KCNJ6: variants seen among roughly 807,000 people sequenced by gnomAD.
KCNJ6 encodes the protein potassium inwardly rectifying channel subfamily J member 6.
A neutral mutation model predicts 34.2 loss-of-function variants in KCNJ6; 9 were observed. That is an observed-to-expected ratio of 0.26 (90% CI 0.16 to 0.46). KCNJ6 has a LOEUF of 0.46. KCNJ6 is among the 20% of genes least tolerant of loss of function. KCNJ6 has a pLI of 1.00. For missense variants in KCNJ6, 236 were observed against 531.3 expected, an observed-to-expected ratio of 0.44 and a Z score of 5.46; for synonymous variants, 196 against 207.1, an observed-to-expected ratio of 0.95 and a Z score of 0.46.
At chr21:37,903,523 AG>A (rs1321691849) in intron 1 of KCNJ6, among the ~76,000 whole-genome samples, 1 of 152,148 alleles carries the variant, frequency 6.6e-6, no homozygotes, top group Non-Finnish European at 1.5e-5. Context: ...ATGGAATCTT[AG>A]GGTGCTTTAA....
intron 2 of KCNJ6, among the ~76,000 whole-genome samples, chr21:37,764,161 G>A (rs1313916052): frequency 6.6e-6 from 1 of 152,180 alleles, no homozygotes; most frequent in Non-Finnish European, 1.5e-5. Context: ...GGACTATGGT[G>A]AGTGAGATTG....
intron 2 of KCNJ6, among the ~76,000 whole-genome samples, chr21:37,762,519 C>T (rs1163615978): frequency 6.6e-6 from 1 of 152,188 alleles, no homozygotes; most frequent in Non-Finnish European, 1.5e-5. Flanking sequence ...AACTGCCTGC[C>T]AAGTTTGCTG....
intron 3 of KCNJ6, among the ~76,000 whole-genome samples, chr21:37,660,492 A>G (rs1401396928): frequency 6.6e-6 from 1 of 152,184 alleles, no homozygotes; most frequent in Non-Finnish European, 1.5e-5. Flanking sequence ...GGGCTAGCAC[A>G]TGGGATGCTG....
intron 3 of KCNJ6, among the ~76,000 whole-genome samples, chr21:37,684,866 T>C (rs143662488): frequency 6.6e-6 from 1 of 152,350 alleles, no homozygotes; most frequent in East Asian, 1.9e-4. Context: ...GTGAATTTTA[T>C]AGGAATAGAG....
chr21:37,657,576 A>G (rs1375104485), intron 3 of KCNJ6, among the ~76,000 whole-genome samples: 2 of 152,152 alleles, frequency 1.3e-5, no homozygotes, highest in African/African-American at 4.8e-5. Flanking sequence ...GGGGTTCACT[A>G]GGACCCCTTC....
At chr21:37,856,145 C>A (rs2055564264) in intron 1 of KCNJ6, among the ~76,000 whole-genome samples, 1 of 152,172 alleles carries the variant, frequency 6.6e-6, no homozygotes, top group Admixed American at 6.5e-5. Context: ...GGGAAGAGGT[C>A]CAAACATCAT....
intron 2 of KCNJ6, among the ~76,000 whole-genome samples, chr21:37,722,355 GC>G (rs1335783076): frequency 6.6e-6 from 1 of 152,140 alleles, no homozygotes; most frequent in Non-Finnish European, 1.5e-5. Context: ...CATTAAAACA[GC>G]CATATTGCCC....
chr21:37,890,076 T>A (rs925686735), intron 1 of KCNJ6, among the ~76,000 whole-genome samples: 1 of 152,218 alleles, frequency 6.6e-6, no homozygotes, highest in Non-Finnish European at 1.5e-5. Context: ...CTTCTCATAC[T>A]GCTAATAAAG....
chr21:37,661,313 TA>T (rs1196447159), intron 3 of KCNJ6, among the ~76,000 whole-genome samples: 2 of 152,216 alleles, frequency 1.3e-5, no homozygotes, highest in Non-Finnish European at 2.9e-5. Flanking sequence ...TATTTGCTTT[TA>T]ACAAAACGGA....
chr21:37,652,786 G>C (rs2054439800), intron 3 of KCNJ6, among the ~76,000 whole-genome samples: 1 of 152,126 alleles, frequency 6.6e-6, no homozygotes, highest in African/African-American at 2.4e-5. Flanking sequence ...CAGGAAGAGG[G>C]GCATTTTCTC....
chr21:37,638,670 C>T (rs1414029281), intron 3 of KCNJ6, among the ~76,000 whole-genome samples: 1 of 152,178 alleles, frequency 6.6e-6, no homozygotes, highest in Non-Finnish European at 1.5e-5. Flanking sequence ...ATCTTCCACA[C>T]AAATGGTGTT....
At chr21:37,656,890 A>G (rs2054466730) in intron 3 of KCNJ6, among the ~76,000 whole-genome samples, 1 of 152,212 alleles carries the variant, frequency 6.6e-6, no homozygotes, top group Non-Finnish European at 1.5e-5. Flanking sequence ...TGGCCCAAGA[A>G]GTTGGCACCC....
intron 1 of KCNJ6, among the ~76,000 whole-genome samples, chr21:37,875,060 T>C (rs985673057): frequency 6.6e-6 from 1 of 152,176 alleles, no homozygotes; most frequent in African/African-American, 2.4e-5. Context: ...TTTCCGACGA[T>C]TGGCGAGGTC....
chr21:37,644,377 A>G (rs1007395105), intron 3 of KCNJ6, among the ~76,000 whole-genome samples: 4 of 152,234 alleles, frequency 2.6e-5, no homozygotes, highest in African/African-American at 9.6e-5. Flanking sequence ...AACTTAAAAT[A>G]AAAGTTAAAA....
chr21:37,747,575 C>T (rs1219636274), intron 2 of KCNJ6, among the ~76,000 whole-genome samples: 1 of 152,144 alleles, frequency 6.6e-6, no homozygotes, highest in Admixed American at 6.5e-5. Context: ...GGAGATTATC[C>T]TGGATTATCC....
At chr21:37,661,093 T>A (rs1223779128) in intron 3 of KCNJ6, among the ~76,000 whole-genome samples, 1 of 152,200 alleles carries the variant, frequency 6.6e-6, no homozygotes. Flanking sequence ...ATTCATACTA[T>A]CTCTATGTTT....
At chr21:37,659,762 T>C (rs1388399555) in intron 3 of KCNJ6, among the ~76,000 whole-genome samples, 1 of 152,246 alleles carries the variant, frequency 6.6e-6, no homozygotes, top group East Asian at 1.9e-4. Flanking sequence ...TGACTCTTTC[T>C]AACGTTTGCT....
chr21:37,768,864 G>A (rs955444846), intron 2 of KCNJ6, among the ~76,000 whole-genome samples: 1 of 152,170 alleles, frequency 6.6e-6, no homozygotes, highest in Non-Finnish European at 1.5e-5. Context: ...AATGGGAAGG[G>A]GCACTTATTT....
At chr21:37,801,104 T>C (rs1319680511) in intron 2 of KCNJ6, among the ~76,000 whole-genome samples, 2 of 152,216 alleles carry the variant, frequency 1.3e-5, no homozygotes, top group East Asian at 1.9e-4. Context: ...CAGAATCAGA[T>C]AGCTGGGGTT....
Sources: gnomAD v4.1 joint callset for allele counts (sites outside exome capture counted in the v4.1 genomes callset) on GRCh38, gnomAD v4.1.1 for gene constraint, MANE v1.5 for transcripts, NCBI Gene and HGNC (gene_info 2026-07-23, HGNC 2026-07-21) for gene names.